Variants in OR4X1 observed in about 807,000 individuals in gnomAD.
OR4X1 encodes olfactory receptor 4X1.
For missense variants in OR4X1, 509 were observed against 368.1 expected (o/e 1.38, Z -3.13); for synonymous variants, 183 against 142.6 (o/e 1.28, Z -2.02).
rs765857526 is a variant in OR4X1, at chr11:48,263,864, G to T, written c.4G>T (p.Val2Phe). ...GTCAGCTCCTGTGCTTTAAAATATG[G>T]TTGCTACAAACAATGTGACTGAAAT... M[V>F]ATNNVTEIIF... Residue 2 changes from valine (V) to phenylalanine (F), a missense_variant, in exon 1 of 1, where the codon GTT becomes TTT. Transcript: ENST00000320048. 15 of 1,610,918 alleles carry T rather than the reference G, an allele frequency of 9.3e-6. No individual in the cohort carries two copies. Among genetic ancestry groups the T allele is most frequent in the Admixed American group, 1.7e-5 (1 of 59,930 alleles).
Position 48,264,350 on chromosome 11 carries a change from C to T in OR4X1, c.490C>T (p.Leu164Phe), listed in dbSNP as rs777113669. ...TGGGCAAACCTTCCTGATTTTCCAG[C>T]TCCCGTTCTGTGGCCCCAACATCAT... is the stretch of plus-strand genomic sequence containing the variant. ...SVGQTFLIFQ[L>F]PFCGPNIMDH... is the part of the protein sequence containing the mutation. The change falls in exon 1 of 1, where the codon CTC becomes TTC. Residue 164 changes from leucine to phenylalanine, a missense_variant. Transcript: ENST00000320048. 5 of 1,613,944 alleles carry T rather than the reference C, an allele frequency of 3.1e-6. No individual in the cohort carries two copies. The highest frequency in any genetic ancestry group is 4.2e-6 in the Non-Finnish European group (5 of 1,179,994).
rs150219119 is a variant in OR4X1 at position 48,264,627 on chromosome 11, A to T, written c.767A>T (p.Tyr256Phe). 1 of 1,613,888 alleles carries T rather than the reference A, an allele frequency of 6.2e-7. No homozygotes were observed. The change falls in exon 1 of 1, where the codon TAT (tyrosine) becomes TTT (phenylalanine). Residue 256 changes from tyrosine (Y) to phenylalanine (F), a missense_variant. Transcript: ENST00000320048. ...TTCTTCATACCTTGCTCCTTGGTCT[A>T]TATTAGGCCCTGTGTCACCCTCCCT... The part of the protein sequence containing the change: ...DLFFIPCSLV[Y>F]IRPCVTLPAD...
Position 48,264,429 on chromosome 11 carries a change from CCTT to C in OR4X1, c.574_576del (p.Phe192del), listed in dbSNP as rs57294041. On this transcript the variant is annotated inframe_deletion, in exon 1 of 1. Coordinates refer to ENST00000320048, the MANE Select transcript of OR4X1 (RefSeq NM_001004726.1). ...GTGCTGGAGCTGGCCTGCGCAGACA[CCTT>C]CTTCATTAGCCTGCTGATCATCACC... 0.73 allele frequency: 1,178,567 copies of C among 1,613,176 alleles called. 435,412 individuals carry two copies. The highest frequency in any genetic ancestry group is 0.78 in the Admixed American group (46,972 of 59,954).
chr11:48,264,289 G>C lies in OR4X1; in HGVS notation c.429G>C (p.Val143=). 1 of 1,614,040 alleles carries C rather than the reference G, an allele frequency of 6.2e-7. No individual in the cohort carries two copies. The highest frequency in any genetic ancestry group is 8.5e-7 in the Non-Finnish European group (1 of 1,179,988). The change falls in exon 1 of 1, where the codon GTG becomes GTC. Residue 143 remains valine, a synonymous_variant. Transcript: ENST00000320048. ...IMNQRMCGLL[V]RIAWGGGLLH... is the part of the protein sequence containing the mutation. ...ACCAGCGAATGTGTGGTCTCCTCGT[G>C]AGGATAGCATGGGGCGGGGGCCTGC...
In OR4X1 at chr11:48,264,249, A is replaced by G. The variant is rs1483034455; in HGVS notation, c.389A>G (p.Tyr130Cys). 2 of 1,614,108 alleles carry G rather than the reference A, an allele frequency of 1.2e-6. No individual in the cohort carries two copies. Among genetic ancestry groups the G allele is most frequent in the East Asian group, 4.5e-5 (2 of 44,866 alleles). Residue 130 changes from tyrosine (Y) to cysteine (C), a missense_variant, in exon 1 of 1, where the codon TAC becomes TGC. By Grantham distance (194) the Tyr-to-Cys change is radical. Transcript: ENST00000320048. ...RYVAICKPLHYMAIMNQRMCG... is the reference protein window; with the variant it reads ...RYVAICKPLHCMAIMNQRMCG... ...GTGGCCATCTGCAAGCCCTTGCACTACATGGCCATCATGAACCAGCGAATG... is the reference window on the plus strand; with the variant it reads ...GTGGCCATCTGCAAGCCCTTGCACTGCATGGCCATCATGAACCAGCGAATG...
rs1394898619 is a variant in OR4X1, at chr11:48,264,223, T to C, written c.363T>C (p.Tyr121=). The C allele has an allele frequency of 1.9e-6, 3 of 1,614,006 alleles. No individual in the cohort carries two copies. The highest frequency in any genetic ancestry group is 1.6e-4 in the Middle Eastern group (1 of 6,080). The change falls in exon 1 of 1, where the codon TAT becomes TAC. Residue 121 remains tyrosine (Y), a synonymous_variant. Coordinates refer to ENST00000320048, the MANE Select transcript of OR4X1 (RefSeq NM_001004726.1). ...TGATGGTGATGGCCTATGACCGCTA[T>C]GTGGCCATCTGCAAGCCCTTGCACT... The part of the protein sequence containing the change: ...FLLMVMAYDR[Y]VAICKPLHYM...
In OR4X1 at chr11:48,263,977, CA is replaced by C. The variant is rs763292244; in HGVS notation, c.119del (p.Asn40MetfsTer6). ...TCATGTACACAGCTGTTGTGCTGGG[CA>C]ATGGCCTCATTGTGGTGACCATCCT... is the stretch of plus-strand genomic sequence containing the variant. ...LLMYTAVVLG[N>X]GLIVVTILAS... On this transcript the variant is annotated frameshift_variant, in exon 1 of 1. Coordinates refer to ENST00000320048, the MANE Select transcript of OR4X1 (RefSeq NM_001004726.1). LOFTEE classifies it low-confidence loss of function (END_TRUNC). 11 of 1,613,616 alleles carry C rather than the reference CA, an allele frequency of 6.8e-6. No individual in the cohort carries two copies. The African/African-American group carries it at 1.2e-4, about 18-fold the overall frequency.
At position 48,264,244 on chromosome 11, in the gene OR4X1, G is replaced by A; in HGVS notation, c.384G>A (p.Leu128=). 6.2e-7 allele frequency: 1 copy of A among 1,614,090 alleles called. No homozygotes were observed. The highest frequency in any genetic ancestry group is 8.5e-7 in the Non-Finnish European group (1 of 1,179,998). ...GCTATGTGGCCATCTGCAAGCCCTT[G>A]CACTACATGGCCATCATGAACCAGC... The part of the protein sequence containing the change: ...YDRYVAICKP[L]HYMAIMNQRM... The change falls in exon 1 of 1, where the codon TTG becomes TTA. Residue 128 remains leucine (L), a synonymous_variant. Coordinates refer to ENST00000320048, the MANE Select transcript of OR4X1 (RefSeq NM_001004726.1).
At position 48,264,302 on chromosome 11, in the gene OR4X1, G is replaced by A. The variant is rs1196780661; in HGVS notation, c.442G>A (p.Gly148Ser). Reference sequence around the variant, plus strand: ...TGGTCTCCTCGTGAGGATAGCATGGGGCGGGGGCCTGCTGCATTCTGTTGG... The same window carrying A: ...TGGTCTCCTCGTGAGGATAGCATGGAGCGGGGGCCTGCTGCATTCTGTTGG... ...MCGLLVRIAWGGGLLHSVGQT... is the reference protein window; with the variant it reads ...MCGLLVRIAWSGGLLHSVGQT... The change falls in exon 1 of 1, where the codon GGC becomes AGC. Residue 148 changes from glycine (G) to serine (S), a missense_variant. Coordinates refer to ENST00000320048, the MANE Select transcript of OR4X1 (RefSeq NM_001004726.1). 1 of 1,613,906 alleles carries A rather than the reference G, an allele frequency of 6.2e-7. No individual in the cohort carries two copies. Among genetic ancestry groups the A allele is most frequent in the Non-Finnish European group, 8.5e-7 (1 of 1,179,988 alleles).
Position 48,264,428 on chromosome 11 carries a change from AC to A in OR4X1, c.570del (p.Phe191SerfsTer6). 1 of 1,504,256 alleles carries A rather than the reference AC, an allele frequency of 6.6e-7. No individual in the cohort carries two copies. Among genetic ancestry groups the A allele is most frequent in the African/African-American group, 1.6e-5 (1 of 60,844 alleles). The allele number at this position is 1,504,256 out of a possible 1,614,324, so 93.2% of individuals were successfully genotyped here. A position where few individuals can be genotyped will look rare whatever the true frequency, so the allele number is the denominator to read the frequency against. On this transcript the variant is annotated frameshift_variant, in exon 1 of 1. Coordinates refer to ENST00000320048, the MANE Select transcript of OR4X1 (RefSeq NM_001004726.1). LOFTEE classifies it low-confidence loss of function (END_TRUNC). ...AGTGCTGGAGCTGGCCTGCGCAGAC[AC>A]CTTCTTCATTAGCCTGCTGATCATC... ...HPVLELACADTFFISLLIITN... is the reference protein window; with the variant it reads ...HPVLELACADXFFISLLIITN...
rs570472966 is a variant in OR4X1 at position 48,264,219 on chromosome 11, G to A, written c.359G>A (p.Arg120His). 1.7e-5 allele frequency: 28 copies of A among 1,614,042 alleles called. No individual in the cohort carries two copies. The Middle Eastern group carries it at 5.0e-4, about 29-fold the overall frequency. ...CTCCTGATGGTGATGGCCTATGACC[G>A]CTATGTGGCCATCTGCAAGCCCTTG... is the stretch of plus-strand genomic sequence containing the variant. ...AFLLMVMAYDRYVAICKPLHY... is the reference protein window; with the variant it reads ...AFLLMVMAYDHYVAICKPLHY... Residue 120 changes from arginine to histidine, a missense_variant, in exon 1 of 1, where the codon CGC becomes CAC. Physicochemically the swap from Arg to His is conservative, Grantham distance 29. Coordinates refer to ENST00000320048, the MANE Select transcript of OR4X1 (RefSeq NM_001004726.1).
Position 48,263,904 on chromosome 11 carries a change from T to G in OR4X1, c.44T>G (p.Phe15Cys), listed in dbSNP as rs2134421368. The change falls in exon 1 of 1, where the codon TTT becomes TGT. Residue 15 changes from phenylalanine to cysteine, a missense_variant. By Grantham distance (205) the Phe-to-Cys change is radical (BLOSUM62 -2). Transcript: ENST00000320048. The part of the protein sequence containing the change: ...NNVTEIIFVG[F>C]SQNWSEQRVI... ...GTGACTGAAATAATTTTCGTGGGAT[T>G]TTCCCAGAATTGGAGTGAGCAGAGG... 6.2e-7 allele frequency: 1 copy of G among 1,613,800 alleles called. No homozygotes were observed.
Position 48,264,048 on chromosome 11 carries a change from A to G in OR4X1, c.188A>G (p.Tyr63Cys). The G allele has an allele frequency of 3.7e-6, 6 of 1,613,942 alleles. No individual in the cohort carries two copies. The highest frequency in any genetic ancestry group is 5.1e-6 in the Non-Finnish European group (6 of 1,179,920). The stretch of plus-strand genomic sequence containing the variant: ...TCCCCCATGTATTTCTTTCTCAGCT[A>G]CTTATCCTTTGTGGAGATCTGCTAC... ...LTSPMYFFLS[Y>C]LSFVEICYCS... The change falls in exon 1 of 1, where the codon TAC becomes TGC. Residue 63 changes from tyrosine to cysteine, a missense_variant. Coordinates refer to ENST00000320048, the MANE Select transcript of OR4X1 (RefSeq NM_001004726.1).
rs770626567 is a variant in OR4X1 at position 48,264,748 on chromosome 11, G to A, written c.888G>A (p.Met296Ile). ...SFRNAEVKNA[M>I]RRFIGGKVI Reference sequence around the variant, plus strand: ...GGAATGCTGAAGTGAAAAATGCCATGAGGAGATTTATTGGGGGAAAAGTAA... The same window carrying A: ...GGAATGCTGAAGTGAAAAATGCCATAAGGAGATTTATTGGGGGAAAAGTAA... The change falls in exon 1 of 1, where the codon ATG becomes ATA. Residue 296 changes from methionine (M) to isoleucine (I), a missense_variant. Coordinates refer to ENST00000320048, the MANE Select transcript of OR4X1 (RefSeq NM_001004726.1). 3.1e-6 allele frequency: 5 copies of A among 1,611,580 alleles called. No individual in the cohort carries two copies. The highest frequency in any genetic ancestry group is 3.4e-6 in the Non-Finnish European group (4 of 1,178,268).
Position 48,264,243 on chromosome 11 carries a change from T to A in OR4X1, c.383T>A (p.Leu128Ter). The change falls in exon 1 of 1, where the codon TTG becomes TAG. Residue 128 changes from leucine to a stop codon, truncating the protein, a stop_gained. Coordinates refer to ENST00000320048, the MANE Select transcript of OR4X1 (RefSeq NM_001004726.1). LOFTEE classifies it low-confidence loss of function (END_TRUNC). The part of the protein sequence containing the change: ...YDRYVAICKP[L>*]HYMAIMNQRM... ...CGCTATGTGGCCATCTGCAAGCCCT[T>A]GCACTACATGGCCATCATGAACCAG... The A allele has an allele frequency of 6.2e-7, 1 of 1,614,112 alleles. No homozygotes were observed. Among genetic ancestry groups the A allele is most frequent in the Non-Finnish European group, 8.5e-7 (1 of 1,180,002 alleles).
In OR4X1 at chr11:48,263,938, T is replaced by C; in HGVS notation, c.78T>C (p.Ser26=). The C allele has an allele frequency of 6.2e-7, 1 of 1,613,934 alleles. No individual in the cohort carries two copies. The highest frequency in any genetic ancestry group is 8.5e-7 in the Non-Finnish European group (1 of 1,179,824). ...ATTGGAGTGAGCAGAGGGTCATTTC[T>C]GTGATGTTTCTCCTCATGTACACAG... The part of the protein sequence containing the change: ...SQNWSEQRVI[S]VMFLLMYTAV... The change falls in exon 1 of 1, where the codon TCT becomes TCC. Residue 26 remains serine, a synonymous_variant. Transcript: ENST00000320048.
chr11:48,264,474 C>T lies in OR4X1; in HGVS notation c.614C>T (p.Ser205Phe), dbSNP rs1333046073. ...ATCATCACCAATGGCGGCTCCATCT[C>T]CGTAGTCAGTTTCTTCGTGCTGATG... is the stretch of plus-strand genomic sequence containing the variant. ...LLIITNGGSI[S>F]VVSFFVLMAS... is the part of the protein sequence containing the mutation. Residue 205 changes from serine to phenylalanine, a missense_variant, in exon 1 of 1, where the codon TCC becomes TTC. Physicochemically the swap from Ser to Phe is radical, Grantham distance 155. Coordinates refer to ENST00000320048, the MANE Select transcript of OR4X1 (RefSeq NM_001004726.1). 6.2e-7 allele frequency: 1 copy of T among 1,614,040 alleles called. No individual in the cohort carries two copies. Among genetic ancestry groups the T allele is most frequent in the Admixed American group, 1.7e-5 (1 of 60,014 alleles).
rs546535915 is a variant in OR4X1 at position 48,263,897 on chromosome 11, G to T, written c.37G>T (p.Val13Leu). Residue 13 changes from valine (V) to leucine (L), a missense_variant, in exon 1 of 1, where the codon GTG becomes TTG. Val to Leu is a conservative substitution (Grantham distance 32, BLOSUM62 1). Coordinates refer to ENST00000320048, the MANE Select transcript of OR4X1 (RefSeq NM_001004726.1). ...AAACAATGTGACTGAAATAATTTTC[G>T]TGGGATTTTCCCAGAATTGGAGTGA... Reference protein sequence around the residue: ...ATNNVTEIIFVGFSQNWSEQR... With the variant: ...ATNNVTEIIFLGFSQNWSEQR... 6.2e-7 allele frequency: 1 copy of T among 1,613,610 alleles called. No individual in the cohort carries two copies. The highest frequency in any genetic ancestry group is 8.5e-7 in the Non-Finnish European group (1 of 1,179,626).
In OR4X1 at chr11:48,264,665, G is replaced by T. The variant is rs2134422174; in HGVS notation, c.805G>T (p.Val269Phe). ...PCVTLPADKI[V>F]AVFYTVVTPL... The stretch of plus-strand genomic sequence containing the variant: ...TGTCACCCTCCCTGCAGACAAGATA[G>T]TTGCTGTATTTTATACAGTGGTCAC... Residue 269 changes from valine (V) to phenylalanine (F), a missense_variant, in exon 1 of 1, where the codon GTT (valine) becomes TTT (phenylalanine). Transcript: ENST00000320048. 2 of 1,613,916 alleles carry T rather than the reference G, an allele frequency of 1.2e-6. No individual in the cohort carries two copies. Among genetic ancestry groups the T allele is most frequent in the East Asian group, 4.5e-5 (2 of 44,876 alleles).
Sources: allele counts gnomAD v4.1 joint callset, GRCh38; gene constraint gnomAD v4.1.1; transcripts MANE v1.5; gene names NCBI Gene and HGNC (gene_info 2026-07-23, HGNC 2026-07-21).